Variants in PKHD1 observed in about 807,000 individuals in gnomAD.
The protein encoded by PKHD1 is PKHD1 ciliary IPT domain containing fibrocystin/polyductin, also known as fibrocystin.
PKHD1 carries 291 observed loss-of-function variants against 412.0 expected under a neutral mutation model. That is an observed-to-expected ratio of 0.71 (90% CI 0.64 to 0.78). PKHD1 has a LOEUF of 0.78. Ranked by LOEUF, PKHD1 falls within the 30% of genes least tolerant of loss-of-function variation. The pLI is 0.00. For missense variants in PKHD1, 4,825 were observed against 4,950.7 expected, an observed-to-expected ratio of 0.97 and a Z score of 0.76; for synonymous variants, 1,777 against 1,821.5, an observed-to-expected ratio of 0.98 and a Z score of 0.62.
At chr6:51,619,886 G>T (rs986196411) in intron 66 of PKHD1, among the ~76,000 whole-genome samples, 8 of 152,156 alleles carry the variant, frequency 5.3e-5, no homozygotes, top group Admixed American at 5.2e-4. Context: ...CCTGTGTTAA[G>T]AGATATGAAC....
chr6:51,903,936 G>A, intron 42 of PKHD1, 50 bp downstream of exon 42: 2 of 1,286,298 alleles, frequency 1.6e-6, no homozygotes, highest in South Asian at 1.2e-5. Flanking sequence ...TAAAATATAT[G>A]ACAATTTTAA....
chr6:51,928,322 G>T (rs1786011956), intron 37 of PKHD1, among the ~76,000 whole-genome samples: 1 of 152,150 alleles, frequency 6.6e-6, no homozygotes, highest in African/African-American at 2.4e-5. Context: ...CAAGAAAAAG[G>T]ATCCATCAGA....
Position 52,071,079 on chromosome 6 carries a change from A to T in PKHD1, c.603-9T>A. ...CCTCCTGAATAGGATAACTAAGGAAAAGACAAACTGAGGTAAGAATGACCA... is the reference window on the plus strand; with the variant it reads ...CCTCCTGAATAGGATAACTAAGGAATAGACAAACTGAGGTAAGAATGACCA... On this transcript the variant is annotated splice_polypyrimidine_tract_variant and intron_variant, in intron 8 of 66. Coordinates refer to ENST00000371117, the MANE Select transcript of PKHD1 (RefSeq NM_138694.4). 6.3e-7 allele frequency: 1 copy of T among 1,576,714 alleles called. No individual in the cohort carries two copies. The highest frequency in any genetic ancestry group is 8.7e-7 in the Non-Finnish European group (1 of 1,146,000).
chr6:51,859,771 A>T (rs1773900633), intron 48 of PKHD1, among the ~76,000 whole-genome samples: 1 of 152,096 alleles, frequency 6.6e-6, no homozygotes, highest in African/African-American at 2.4e-5. Flanking sequence ...TTTTTCAGAT[A>T]ATCTCCCCAG....
intron 52 of PKHD1, among the ~76,000 whole-genome samples, chr6:51,804,432 A>G (rs1326578): frequency 0.65 from 92,846 of 143,002 alleles, 31,051 homozygotes; most frequent in East Asian, 0.82. Flanking sequence ...TGGCTGGCAC[A>G]TAAAAGGCAT....
chr6:52,054,275 A>T, intron 19 of PKHD1, 110 bp from the exon 20 acceptor site: 1 of 983,278 alleles, frequency 1.0e-6, no homozygotes, highest in Non-Finnish European at 1.6e-6. Flanking sequence ...GCTCTGAGAG[A>T]GTCAGCACAG....
intron 65 of PKHD1, among the ~76,000 whole-genome samples, chr6:51,627,944 A>C (rs1463192989): frequency 6.6e-6 from 1 of 152,138 alleles, no homozygotes; most frequent in Admixed American, 6.6e-5. Context: ...TCTGATCCCT[A>C]CCCTCACTGA....
At chr6:51,730,944 A>T (rs1011940905) in intron 60 of PKHD1, among the ~76,000 whole-genome samples, 2 of 152,184 alleles carry the variant, frequency 1.3e-5, no homozygotes, top group Non-Finnish European at 2.9e-5. Context: ...GGGAGGGAAG[A>T]GGGTCTCACT....
At chr6:51,859,442 C>T (rs528935950) in intron 48 of PKHD1, among the ~76,000 whole-genome samples, 1 of 149,250 alleles carries the variant, frequency 6.7e-6, no homozygotes, top group South Asian at 2.1e-4. Context: ...AGGAGAATGG[C>T]GTGAACCTGG....
chr6:52,027,286 C>T (rs959863336), intron 31 of PKHD1, among the ~76,000 whole-genome samples: 1 of 150,922 alleles, frequency 6.6e-6, no homozygotes, highest in African/African-American at 2.4e-5. Flanking sequence ...AATCCCAGCA[C>T]TTTAGGAGGC....
intron 18 of PKHD1, 134 bp from the exon 19 acceptor site, chr6:52,055,863 A>T (rs1444199591): frequency 1.2e-6 from 1 of 836,340 alleles, no homozygotes; most frequent in Non-Finnish European, 1.8e-6. Flanking sequence ...TACCCATGCA[A>T]CCTTGAGTAA....
Position 51,871,396 on chromosome 6 carries a change from C to A in PKHD1, c.7351-757G>T, listed in dbSNP as rs1221260121. Among the ~76,000 whole-genome samples the A allele has an allele frequency of 1.3e-4, 8 of 61,794 alleles. 3 individuals are homozygous for A. Among genetic ancestry groups the A allele is most frequent in the Non-Finnish European group, 4.3e-4 (8 of 18,758 alleles). 40.5% of individuals were successfully genotyped at this position (61,794 alleles called of 152,430 possible). A position where few individuals can be genotyped will look rare whatever the true frequency, so the allele number is the denominator to read the frequency against. On this transcript the variant is annotated intron_variant, in intron 46 of 66. Transcript: ENST00000371117. The stretch of plus-strand genomic sequence containing the variant: ...CAACAAGTTAGATGAATCCCAATGG[C>A]ATTCAGGAGTGAAGGAAGCCAGTCC...
intron 35 of PKHD1, among the ~76,000 whole-genome samples, chr6:51,971,041 C>T (rs992852667): frequency 3.9e-5 from 6 of 152,086 alleles, no homozygotes; most frequent in African/African-American, 1.2e-4. Context: ...GCTTTCAATC[C>T]GTGAGCATGA....
intron 35 of PKHD1, among the ~76,000 whole-genome samples, chr6:51,979,083 C>T (rs772024169): frequency 1.3e-5 from 2 of 152,182 alleles, no homozygotes; most frequent in African/African-American, 2.4e-5. Context: ...TAATCCCCAG[C>T]GTCCAATAGG....
Position 52,017,572 on chromosome 6 carries a change from C to A in PKHD1, c.5438G>T (p.Arg1813Ile). 6.2e-7 allele frequency: 1 copy of A among 1,614,068 alleles called. No homozygotes were observed. Among genetic ancestry groups the A allele is most frequent in the Non-Finnish European group, 8.5e-7 (1 of 1,179,984 alleles). The change falls in exon 34 of 67, where the codon AGA (arginine) becomes ATA (isoleucine). Residue 1813 changes from arginine to isoleucine, a missense_variant. Arg to Ile is a moderately conservative substitution (Grantham distance 97). Coordinates refer to ENST00000371117, the MANE Select transcript of PKHD1 (RefSeq NM_138694.4). ...KREEDSCEAA[R>I]HTYVQCDLTV... ...CAAATCACACTGCACATAGGTGTGT[C>A]TGGCAGCCTCACAGCTGTCCTCCTC...
Position 52,028,249 on chromosome 6 carries a change from G to A in PKHD1, c.3467C>T (p.Ser1156Leu), listed in dbSNP as rs367707903. 173 of 1,614,032 alleles carry A rather than the reference G, an allele frequency of 1.1e-4. No individual in the cohort carries two copies. Among genetic ancestry groups the A allele is most frequent in the Non-Finnish European group, 1.4e-4 (167 of 1,180,022 alleles). Residue 1156 changes from serine to leucine, a missense_variant, in exon 30 of 67, where the codon TCG becomes TTG. Transcript: ENST00000371117. Reference protein sequence around the residue: ...QDALAPVHTQSAWGLEVALPP... With the variant: ...QDALAPVHTQLAWGLEVALPP... ...CAGTGCCACCTCCAGGCCCCAAGCC[G>A]ACTGTGTGTGAACCGGAGCCAAGGC... is the stretch of plus-strand genomic sequence containing the variant.
chr6:51,638,853 A>T lies in PKHD1; in HGVS notation c.11502T>A (p.Pro3834=). ...AAGCACACTGTATAAAATTACCTGG[A>T]GGAGAAGTGACAGTAAAAATAAAGT... The part of the protein sequence containing the change: ...NWHFIFTVTS[P]PGVNFTARSK... The change falls in exon 64 of 67, where the codon CCT becomes CCA. Residue 3834 remains proline, a synonymous_variant. Transcript: ENST00000371117. 6.6e-7 allele frequency: 1 copy of T among 1,523,690 alleles called. No homozygotes were observed. The highest frequency in any genetic ancestry group is 9.1e-7 in the Non-Finnish European group (1 of 1,098,578). 94.4% of individuals were successfully genotyped at this position (1,523,690 alleles called of 1,614,324 possible). A position where few individuals can be genotyped will look rare whatever the true frequency, so the allele number is the denominator to read the frequency against.
In PKHD1 at chr6:52,046,026, C is replaced by T; in HGVS notation, c.2570G>A (p.Gly857Glu). ...VWTLSWSTQI[G>E]DLPNFIRVSD... ...TACCCTGATAAAATTGGGCAAATCC[C>T]CAATCTGAGTGGACCAGGACAAGGT... The change falls in exon 24 of 67, where the codon GGG (glycine) becomes GAG (glutamate). Residue 857 changes from glycine to glutamate, a missense_variant. By Grantham distance (98) the Gly-to-Glu change is moderately conservative (BLOSUM62 -2). Coordinates refer to ENST00000371117, the MANE Select transcript of PKHD1 (RefSeq NM_138694.4). 2 of 1,613,530 alleles carry T rather than the reference C, an allele frequency of 1.2e-6. No individual in the cohort carries two copies. The highest frequency in any genetic ancestry group is 1.7e-6 in the Non-Finnish European group (2 of 1,179,614).
chr6:51,886,893 C>G (rs1778294727), intron 44 of PKHD1, among the ~76,000 whole-genome samples: 1 of 152,134 alleles, frequency 6.6e-6, no homozygotes, highest in Non-Finnish European at 1.5e-5. Context: ...ATGTTTGTGA[C>G]ACAGATGGTG....
Sources: allele counts gnomAD v4.1 joint callset (sites outside exome capture counted in the v4.1 genomes callset), GRCh38; gene constraint gnomAD v4.1.1; transcripts MANE v1.5; gene names NCBI Gene and HGNC (gene_info 2026-07-23, HGNC 2026-07-21).